The following DGKI variants were observed in gnomAD, a reference collection of about 807,000 sequenced individuals.
The protein encoded by DGKI is DAG kinase iota.
DGKI carries 55 observed loss-of-function variants against 147.5 expected under a neutral mutation model. That is an observed-to-expected ratio of 0.37 (90% CI 0.30 to 0.47). DGKI has a LOEUF of 0.47. Ranked by LOEUF, DGKI falls within the 20% of genes least tolerant of loss-of-function variation. The pLI is 1.00. For synonymous variants in DGKI, 469 were observed against 477.1 expected (o/e 0.98, Z 0.22); for missense variants, 1,007 against 1,323.8 (o/e 0.76, Z 3.71).
At chr7:137,653,103 G>GGTGT (rs916760284) in intron 5 of DGKI, among the ~76,000 whole-genome samples, 2 of 151,616 alleles carry the variant, frequency 1.3e-5, no homozygotes, top group African/African-American at 2.4e-5. Context: ...CAGTTTTTCA[G>GGTGT]GTGTGTGTGT....
chr7:137,675,093 T>C (rs190353870), intron 3 of DGKI, among the ~76,000 whole-genome samples: 29 of 152,272 alleles, frequency 1.9e-4, no homozygotes, highest in African/African-American at 6.7e-4. Context: ...GCATACTTTT[T>C]TCCCAAAAAA....
At chr7:137,438,900 CAT>C (rs1488359100) in intron 28 of DGKI, among the ~76,000 whole-genome samples, 2 of 152,084 alleles carry the variant, frequency 1.3e-5, no homozygotes, top group Non-Finnish European at 2.9e-5. Context: ...CATATACACA[CAT>C]ATAGGAATAC....
At chr7:137,724,671 C>T (rs761513921) in intron 1 of DGKI, among the ~76,000 whole-genome samples, 1 of 152,096 alleles carries the variant, frequency 6.6e-6, no homozygotes, top group African/African-American at 2.4e-5. Context: ...TGACAGAGGA[C>T]CAAGTGTTTG....
rs1254697588 is a variant in DGKI, at chr7:137,689,972, A to T, written c.432T>A (p.His144Gln). 6.2e-7 allele frequency: 1 copy of T among 1,609,028 alleles called. No individual in the cohort carries two copies. Among genetic ancestry groups the T allele is most frequent in the African/African-American group, 1.3e-5 (1 of 74,640 alleles). Residue 144 changes from histidine (H) to glutamine (Q), a missense_variant, in exon 2 of 33, where the codon CAT becomes CAA. Around this residue, in one of 5 missense-constraint regions of DGKI, gnomAD observed 259 missense variants for 362.5 expected, o/e 0.71. Transcript: ENST00000614521. ...RKAISRAGLQHLAPAHPLSLP... is the reference protein window; with the variant it reads ...RKAISRAGLQQLAPAHPLSLP... ...GGCTGAGGGGATGTGCAGGAGCCAGATGCTGGAGGCCTGCCCGGGAGATTG... is the reference window on the plus strand; with the variant it reads ...GGCTGAGGGGATGTGCAGGAGCCAGTTGCTGGAGGCCTGCCCGGGAGATTG...
At chr7:137,787,436 G>C (rs1796708775) in intron 1 of DGKI, among the ~76,000 whole-genome samples, 1 of 152,140 alleles carries the variant, frequency 6.6e-6, no homozygotes, top group African/African-American at 2.4e-5. Context: ...ACTCCTGCAA[G>C]AATGCCCATA....
chr7:137,661,697 T>C (rs183585821), intron 3 of DGKI, among the ~76,000 whole-genome samples: 1 of 152,090 alleles, frequency 6.6e-6, no homozygotes, highest in Non-Finnish European at 1.5e-5. Flanking sequence ...GAGAGTGCTC[T>C]CCTCCTCCCC....
chr7:137,691,009 G>A (rs1823584809), intron 1 of DGKI, among the ~76,000 whole-genome samples: 1 of 152,182 alleles, frequency 6.6e-6, no homozygotes, highest in Admixed American at 6.5e-5. Context: ...CTCCCTAGAA[G>A]GGAGAGGGGC....
At chr7:137,525,890 T>TG (rs903665851) in intron 20 of DGKI, among the ~76,000 whole-genome samples, 33 of 152,002 alleles carry the variant, frequency 2.2e-4, no homozygotes, top group African/African-American at 7.5e-4. Context: ...GGGCTACCTC[T>TG]GGGGGGAGAT....
chr7:137,668,759 CCTGA>C (rs1822735136), intron 3 of DGKI, among the ~76,000 whole-genome samples: 1 of 152,088 alleles, frequency 6.6e-6, no homozygotes, highest in Admixed American at 6.5e-5. Context: ...GGAGGGAGAG[CCTGA>C]CTGTCAGCTA....
intron 1 of DGKI, among the ~76,000 whole-genome samples, chr7:137,727,171 A>G (rs1426174589): frequency 2.0e-5 from 3 of 152,134 alleles, no homozygotes; most frequent in Non-Finnish European, 4.4e-5. Flanking sequence ...ATAATCAGAT[A>G]TCTAAAGTAA....
rs1811244580 is a variant in DGKI, at chr7:137,388,430, T to C, written c.*2790A>G. ...ACAAACACAGAGGAGTCAGCCAAGC[T>C]AGCTGCCTCTTCAGTGCTGTCTCAG... On this transcript the variant is annotated 3_prime_UTR_variant, in exon 33 of 33. Coordinates refer to ENST00000614521, the MANE Select transcript of DGKI (RefSeq NM_001321708.2). 1 of 152,188 alleles carries C rather than the reference T, an allele frequency of 6.6e-6. No homozygotes were observed. The highest frequency in any genetic ancestry group is 2.1e-4 in the South Asian group (1 of 4,830). The allele number at this position is 152,188 out of a possible 1,614,324, so 9.4% of individuals were successfully genotyped here.
chr7:137,828,940 C>T lies in DGKI; in HGVS notation c.401+17522G>A, dbSNP rs1235130571. On this transcript the variant is annotated intron_variant, in intron 1 of 32. Coordinates refer to ENST00000614521, the MANE Select transcript of DGKI (RefSeq NM_001321708.2). Reference sequence around the variant, plus strand: ...GACACAGACATAACCTGAAGCTACACATCCACATTCTAAGTTCATATCCTT... The same window carrying T: ...GACACAGACATAACCTGAAGCTACATATCCACATTCTAAGTTCATATCCTT... 1.2e-4 allele frequency among the ~76,000 whole-genome samples: 19 copies of T among 152,370 alleles called. No individual in the cohort carries two copies. In the East Asian group the frequency reaches 3.1e-3, roughly 25 times the overall value.
At chr7:137,636,232 C>T (rs929650533) in intron 6 of DGKI, among the ~76,000 whole-genome samples, 12 of 152,116 alleles carry the variant, frequency 7.9e-5, no homozygotes, top group Non-Finnish European at 1.0e-4. Flanking sequence ...GGTCTTGGTC[C>T]GCCTACCAGG....
At chr7:137,801,287 G>C (rs1797196288) in intron 1 of DGKI, among the ~76,000 whole-genome samples, 1 of 152,106 alleles carries the variant, frequency 6.6e-6, no homozygotes, top group Non-Finnish European at 1.5e-5. Context: ...CCCTGGAGTT[G>C]GAAATGGGAT....
chr7:137,660,962 C>T (rs969836956), intron 3 of DGKI, among the ~76,000 whole-genome samples: 6 of 152,046 alleles, frequency 3.9e-5, no homozygotes, highest in Non-Finnish European at 7.4e-5. Context: ...AGGATTGGGG[C>T]CTTTTTGCTG....
intron 3 of DGKI, among the ~76,000 whole-genome samples, chr7:137,660,948 T>C (rs548109408): frequency 6.6e-6 from 1 of 152,240 alleles, no homozygotes; most frequent in South Asian, 2.1e-4. Context: ...CCATGATCTA[T>C]AAAAGGATTG....
intron 1 of DGKI, chr7:137,722,819 C>T (rs924297639): frequency 2.1e-5 from 26 of 1,226,778 alleles, no homozygotes; most frequent in African/African-American, 3.0e-5. Flanking sequence ...GTTGCCCTGA[C>T]GAATGGAATT....
At chr7:137,484,365 G>C (rs996075895) in intron 23 of DGKI, among the ~76,000 whole-genome samples, 3 of 152,096 alleles carry the variant, frequency 2.0e-5, no homozygotes, top group Non-Finnish European at 2.9e-5. Flanking sequence ...CCAAAGTGAA[G>C]TGCTAAACCA....
intron 1 of DGKI, among the ~76,000 whole-genome samples, chr7:137,788,528 T>C (rs1454426553): frequency 6.6e-6 from 1 of 152,036 alleles, no homozygotes; most frequent in African/African-American, 2.4e-5. Context: ...CAATCATCCA[T>C]GTGTTTTCTA....
Sources: allele counts gnomAD v4.1 joint callset (sites outside exome capture counted in the v4.1 genomes callset), GRCh38; gene constraint gnomAD v4.1.1; regional missense constraint gnomAD v4.1.1; transcripts MANE v1.5; gene names NCBI Gene and HGNC (gene_info 2026-07-23, HGNC 2026-07-21).